The following DYNC2H1 variants were observed in gnomAD, a reference collection of about 807,000 sequenced individuals.
DYNC2H1 encodes the protein dynein cytoplasmic 2 heavy chain 1.
A neutral mutation model predicts 570.0 loss-of-function variants in DYNC2H1; 410 were observed. The ratio of observed to expected loss-of-function variants is 0.72; its 90% confidence interval spans 0.66 to 0.78. DYNC2H1 has a LOEUF of 0.78. Among genes scored for constraint, DYNC2H1 ranks in the 30% least tolerant of loss-of-function variants. The pLI is 0.00. For synonymous variants in DYNC2H1, 1,688 were observed against 1,677.6 expected (o/e 1.01, Z -0.15); for missense variants, 4,865 against 5,046.4 (o/e 0.96, Z 1.09).
intron 31 of DYNC2H1, among the ~76,000 whole-genome samples, chr11:103,166,452 T>C (rs529258633): frequency 2.0e-5 from 3 of 152,158 alleles, no homozygotes; most frequent in Non-Finnish European, 4.4e-5. Context: ...TGTTCCAGGT[T>C]TCCTTCTGGT....
chr11:103,329,508 A>T lies in DYNC2H1; in HGVS notation c.12039+5518A>T, dbSNP rs75397591. ...AGGTGATTAATTTAGGAAGTTTGAC[A>T]CTGACCAGAACCTCTGTCTCTGCCA... On this transcript the variant is annotated intron_variant, in intron 82 of 88. Coordinates refer to ENST00000375735, the MANE Select transcript of DYNC2H1 (RefSeq NM_001377.3). Among the ~76,000 whole-genome samples, 680 of 152,268 alleles carry T rather than the reference A, an allele frequency of 4.5e-3. 3 individuals carry two copies. The highest frequency in any genetic ancestry group is 0.015 in the African/African-American group (634 of 41,534).
At chr11:103,257,824 T>G in intron 69 of DYNC2H1, 73 bp downstream of exon 69, 1 of 1,261,210 alleles carries the variant, frequency 7.9e-7, no homozygotes, top group Non-Finnish European at 1.0e-6. Flanking sequence ...ACTTAATTTA[T>G]AATAAAAATT....
intron 54 of DYNC2H1, among the ~76,000 whole-genome samples, chr11:103,212,180 T>G (rs1565399894): frequency 1.3e-5 from 2 of 152,130 alleles, no homozygotes; most frequent in African/African-American, 2.4e-5. Context: ...CATTTATGGA[T>G]TTTTGATAGC....
Position 103,135,922 on chromosome 11 carries a change from T to C in DYNC2H1, c.2548T>C (p.Leu850=), listed in dbSNP as rs1444836762. The change falls in exon 17 of 89, where the codon TTG becomes CTG. Residue 850 remains leucine (L), a synonymous_variant. Transcript: ENST00000375735. ...FSKAEDLFRR[L]SAVLHQHKEW... is the part of the protein sequence containing the mutation. ...CAAAGCAGAAGATCTGTTTAGAAGA[T>C]TGTCAGCTGTTTTACACCAACATAA... 1.2e-5 allele frequency: 19 copies of C among 1,609,126 alleles called. No homozygotes were observed. Among genetic ancestry groups the C allele is most frequent in the Non-Finnish European group, 1.5e-5 (18 of 1,177,006 alleles).
chr11:103,423,810 C>A (rs1943576504), intron 84 of DYNC2H1, among the ~76,000 whole-genome samples: 1 of 151,654 alleles, frequency 6.6e-6, no homozygotes, highest in Non-Finnish European at 1.5e-5. Context: ...GAAAGAAGCA[C>A]ATAAAAATGT....
At chr11:103,112,864 A>G (rs12288585) in intron 1 of DYNC2H1, among the ~76,000 whole-genome samples, 1 of 152,334 alleles carries the variant, frequency 6.6e-6, no homozygotes, top group Middle Eastern at 3.4e-3. Context: ...ACTCATTACT[A>G]TGAACTGACC....
At chr11:103,423,649 A>G (rs1016878925) in intron 84 of DYNC2H1, among the ~76,000 whole-genome samples, 2 of 151,924 alleles carry the variant, frequency 1.3e-5, no homozygotes, top group African/African-American at 4.8e-5. Context: ...TAAAAATGAA[A>G]AGCAAGCCAC....
chr11:103,123,550 T>C (rs768730455), intron 11 of DYNC2H1, among the ~76,000 whole-genome samples: 3 of 152,184 alleles, frequency 2.0e-5, no homozygotes, highest in Non-Finnish European at 4.4e-5. Flanking sequence ...TGTTAGGGCA[T>C]AGTGATTATA....
intron 75 of DYNC2H1, among the ~76,000 whole-genome samples, chr11:103,302,562 T>C (rs1867092969): frequency 6.6e-6 from 1 of 152,036 alleles, no homozygotes; most frequent in African/African-American, 2.4e-5. Context: ...CAACTTTTTT[T>C]CCCCATAACA....
chr11:103,441,612 G>T (rs1346049837), intron 85 of DYNC2H1, among the ~76,000 whole-genome samples: 1 of 151,880 alleles, frequency 6.6e-6, no homozygotes, highest in South Asian at 2.1e-4. Context: ...CAATCATAAG[G>T]TTATTTACTC....
intron 75 of DYNC2H1, among the ~76,000 whole-genome samples, chr11:103,292,158 C>CTTT (rs35444782): frequency 1.4e-5 from 2 of 145,480 alleles, no homozygotes; most frequent in African/African-American, 2.5e-5. Flanking sequence ...TTCTTCTTCT[C>CTTT]TTTTTTTTTT....
In DYNC2H1 at chr11:103,241,541, A is replaced by G. The variant is rs776976709; in HGVS notation, c.9820-2152A>G. The G allele has an allele frequency of 6.3e-7, 1 of 1,590,352 alleles. No individual in the cohort carries two copies. ...AACTGCATCAGATCATTGGTTTGAA[A>G]TCATGGGTAAGAACTTTTTAAAAAT... On this transcript the variant is annotated intron_variant, in intron 63 of 88. Transcript: ENST00000375735. The surrounding 1 kb of genome is among the most constrained non-coding windows in gnomAD (Gnocchi z 5.1).
Position 103,319,808 on chromosome 11 carries a change from T to C in DYNC2H1, c.11726-1221T>C, listed in dbSNP as rs1277299399. 6.6e-6 allele frequency among the ~76,000 whole-genome samples: 1 copy of C among 152,198 alleles called. No individual in the cohort carries two copies. The highest frequency in any genetic ancestry group is 1.5e-5 in the Non-Finnish European group (1 of 68,022). On this transcript the variant is annotated intron_variant, in intron 80 of 88. Coordinates refer to ENST00000375735, the MANE Select transcript of DYNC2H1 (RefSeq NM_001377.3). This position sits in a 1 kb window ranked among gnomAD's most constrained non-coding sequence, Gnocchi z 4.3. ...TGACTGGCTAACTTATCAGTGACTG[T>C]CTAAATGATAAAGGTATCATTTAGT...
At chr11:103,420,293 A>C (rs536190240) in intron 84 of DYNC2H1, among the ~76,000 whole-genome samples, 22 of 152,270 alleles carry the variant, frequency 1.4e-4, no homozygotes, top group Non-Finnish European at 2.4e-4. Flanking sequence ...AATGTAGAGA[A>C]CCTTAGTAAG....
intron 84 of DYNC2H1, among the ~76,000 whole-genome samples, chr11:103,433,834 T>TGACATCTAAAGACCTAAA (rs1159869180): frequency 6.6e-6 from 1 of 152,088 alleles, no homozygotes; most frequent in East Asian, 1.9e-4. Flanking sequence ...TAAAGACCAG[T>TGACATCTAAAGACCTAAA]GAACTACAGT....
chr11:103,119,459 C>A (rs1015213483), intron 6 of DYNC2H1, among the ~76,000 whole-genome samples: 4 of 152,142 alleles, frequency 2.6e-5, no homozygotes, highest in East Asian at 1.9e-4. Flanking sequence ...CCTGCTTCAG[C>A]CTCCTGAGTA....
intron 83 of DYNC2H1, among the ~76,000 whole-genome samples, chr11:103,393,250 C>T (rs149762649): frequency 1.3e-5 from 2 of 152,284 alleles, no homozygotes; most frequent in African/African-American, 4.8e-5. Flanking sequence ...GTCAGTACTC[C>T]ATGAAAATTA....
intron 83 of DYNC2H1, among the ~76,000 whole-genome samples, chr11:103,380,258 T>C (rs917940333): frequency 6.6e-6 from 1 of 152,206 alleles, no homozygotes; most frequent in Non-Finnish European, 1.5e-5. Context: ...TCTGAATCAC[T>C]TCTGAAGTTT....
chr11:103,284,193 C>T (rs2135347275), intron 73 of DYNC2H1, among the ~76,000 whole-genome samples: 1 of 152,236 alleles, frequency 6.6e-6, no homozygotes, highest in South Asian at 2.1e-4. Context: ...TCCCTGTACC[C>T]CTGATATTTC....
Sources: gnomAD v4.1 joint callset for allele counts (sites outside exome capture counted in the v4.1 genomes callset) on GRCh38, gnomAD v4.1.1 for gene constraint, Gnocchi (gnomAD v3.1) non-coding constraint, MANE v1.5 for transcripts, NCBI Gene and HGNC (gene_info 2026-07-23, HGNC 2026-07-21) for gene names.